The following TSHZ2 variants were observed in gnomAD, a reference collection of about 807,000 sequenced individuals.
TSHZ2 encodes teashirt homolog 2.
Under a neutral mutation model 74.4 loss-of-function variants are expected in TSHZ2, and 21 were observed. The observed-to-expected ratio is 0.28, with a 90% CI of 0.20 to 0.41. TSHZ2 has a LOEUF of 0.41. TSHZ2 is among the 10% of genes least tolerant of loss of function. The pLI is 1.00. For missense variants in TSHZ2, 1,244 were observed against 1,293.5 expected (o/e 0.96, Z 0.59); for synonymous variants, 540 against 515.3 (o/e 1.05, Z -0.65).
At chr20:53,023,132 G>A (rs1983307826) in intron 1 of TSHZ2, among the ~76,000 whole-genome samples, 1 of 152,166 alleles carries the variant, frequency 6.6e-6, no homozygotes, top group African/African-American at 2.4e-5. Flanking sequence ...ATCCCAGGAT[G>A]GAAGTCTTGC....
At chr20:53,001,216 G>GTGTGTGTGTGTGTGTGTGTGTA (rs1555813571) in intron 1 of TSHZ2, among the ~76,000 whole-genome samples, 8 of 142,660 alleles carry the variant, frequency 5.6e-5, no homozygotes, top group Middle Eastern at 3.5e-3. Flanking sequence ...GTGTGTGTGT[G>GTGTGTGTGTGTGTGTGTGTGTA]TGTGTGTGTG....
At chr20:53,033,164 C>T (rs758677442) in intron 1 of TSHZ2, among the ~76,000 whole-genome samples, 1 of 152,266 alleles carries the variant, frequency 6.6e-6, no homozygotes, top group East Asian at 1.9e-4. Context: ...TCCCCAAAAT[C>T]GTTAGCAAAA....
At chr20:53,130,678 C>T (rs947261028) in intron 1 of TSHZ2, among the ~76,000 whole-genome samples, 2 of 152,138 alleles carry the variant, frequency 1.3e-5, no homozygotes, top group Non-Finnish European at 2.9e-5. Context: ...CGACTGATTT[C>T]AGAGGAATGT....
chr20:52,981,591 T>G (rs1981572445), intron 1 of TSHZ2, among the ~76,000 whole-genome samples: 1 of 152,052 alleles, frequency 6.6e-6, no homozygotes. Context: ...GAACAAGGGG[T>G]CCAGGGCTTG....
intron 1 of TSHZ2, among the ~76,000 whole-genome samples, chr20:53,023,938 A>G (rs1055247724): frequency 1.3e-5 from 2 of 152,122 alleles, no homozygotes; most frequent in African/African-American, 4.8e-5. Flanking sequence ...ATTAGTGTTA[A>G]ATGTCTGTCA....
chr20:53,392,402 C>T (rs762430053), intron 2 of TSHZ2, among the ~76,000 whole-genome samples: 1 of 152,174 alleles, frequency 6.6e-6, no homozygotes, highest in Non-Finnish European at 1.5e-5. Context: ...TGAGATTGTG[C>T]CACTGCACTC....
intron 2 of TSHZ2, among the ~76,000 whole-genome samples, chr20:53,426,714 A>T (rs1316273709): frequency 6.6e-6 from 1 of 152,226 alleles, no homozygotes; most frequent in African/African-American, 2.4e-5. Context: ...AAGTTCAATG[A>T]TGGATCAAAA....
intron 2 of TSHZ2, among the ~76,000 whole-genome samples, chr20:53,458,941 T>C (rs1188599629): frequency 6.6e-6 from 1 of 152,228 alleles, no homozygotes; most frequent in Non-Finnish European, 1.5e-5. Context: ...TTTGTTACAA[T>C]TTCTGTTCTT....
intron 2 of TSHZ2, among the ~76,000 whole-genome samples, chr20:53,409,900 G>A (rs1402608364): frequency 7.9e-6 from 1 of 127,198 alleles, no homozygotes; most frequent in Non-Finnish European, 1.6e-5. Flanking sequence ...AGACTGGAGT[G>A]CAGTGGCGCT....
chr20:53,469,626 A>AAGGGAGGG lies in TSHZ2; in HGVS notation c.*9-17514_*9-17507dup, dbSNP rs1202477269. ...CAAGAAAGATAGATAGAGAGGGAGG[A>AAGGGAGGG]AGGGAGGGAGGAAGGAAGGAAGGAA... On this transcript the variant is annotated intron_variant, in intron 2 of 2. Coordinates refer to ENST00000371497, the MANE Select transcript of TSHZ2 (RefSeq NM_173485.6). 7.5e-4 allele frequency among the ~76,000 whole-genome samples: 42 copies of AAGGGAGGG among 55,790 alleles called. 5 individuals are homozygous for AAGGGAGGG. The highest frequency in any genetic ancestry group is 1.8e-3 in the African/African-American group (21 of 11,816). The allele number at this position is 55,790 out of a possible 152,430, so 36.6% of individuals were successfully genotyped here.
At chr20:53,325,317 G>C (rs959524349) in intron 2 of TSHZ2, among the ~76,000 whole-genome samples, 1 of 152,174 alleles carries the variant, frequency 6.6e-6, no homozygotes, top group African/African-American at 2.4e-5. Flanking sequence ...ATTTAACAGG[G>C]ACTTTCCCTG....
At chr20:53,220,515 C>G (rs1434291912) in intron 1 of TSHZ2, among the ~76,000 whole-genome samples, 1 of 152,166 alleles carries the variant, frequency 6.6e-6, no homozygotes, top group Non-Finnish European at 1.5e-5. Context: ...ATGGGCCAAC[C>G]TATTTTTATG....
chr20:53,268,068 C>T (rs1448891560), intron 2 of TSHZ2, among the ~76,000 whole-genome samples: 1 of 152,078 alleles, frequency 6.6e-6, no homozygotes, highest in Non-Finnish European at 1.5e-5. Context: ...TTGGCTTGGC[C>T]ACTTGGGGAT....
intron 1 of TSHZ2, among the ~76,000 whole-genome samples, chr20:53,184,591 T>C (rs1262176064): frequency 1.3e-5 from 2 of 152,254 alleles, no homozygotes; most frequent in East Asian, 3.8e-4. Context: ...GAACATTCTC[T>C]GTGCATATAT....
intron 1 of TSHZ2, among the ~76,000 whole-genome samples, chr20:52,981,910 C>G (rs1377907382): frequency 6.6e-6 from 1 of 152,190 alleles, no homozygotes; most frequent in Non-Finnish European, 1.5e-5. Flanking sequence ...TGTTCTACTA[C>G]CTGGACCTGG....
intron 2 of TSHZ2, among the ~76,000 whole-genome samples, chr20:53,310,608 G>A (rs571927618): frequency 9.9e-5 from 15 of 152,188 alleles, no homozygotes; most frequent in East Asian, 3.9e-4. Context: ...CTCACACATC[G>A]ATGGTAAAAT....
At position 53,254,040 on chromosome 20, in the gene TSHZ2, G is replaced by A. The variant is rs150059208; in HGVS notation, c.582G>A (p.Ser194=). 6.2e-4 allele frequency: 1,008 copies of A among 1,614,112 alleles called. 13 individuals carry two copies. In the East Asian group the frequency reaches 0.019, roughly 30 times the overall value. Residue 194 remains serine (S), a synonymous_variant, in exon 2 of 3, where the codon TCG becomes TCA. Transcript: ENST00000371497. ...TCTCGAAACCCAGCCTGTTCAGCTC[G>A]GTGCAGTTGTACCGACAGAGCAGCA... The part of the protein sequence containing the change: ...RSVSKPSLFS[S]VQLYRQSSKM...
intron 2 of TSHZ2, among the ~76,000 whole-genome samples, chr20:53,413,079 G>A (rs1983110413): frequency 1.3e-5 from 2 of 152,232 alleles, no homozygotes; most frequent in Non-Finnish European, 2.9e-5. Context: ...GAGCGGAAGA[G>A]GGACAGGGAG....
At chr20:53,435,481 G>C (rs537771990) in intron 2 of TSHZ2, among the ~76,000 whole-genome samples, 35 of 152,286 alleles carry the variant, frequency 2.3e-4, no homozygotes, top group African/African-American at 8.2e-4. Flanking sequence ...ATAAGGGAAG[G>C]CATTATAGCA....
Sources: allele counts gnomAD v4.1 joint callset (sites outside exome capture counted in the v4.1 genomes callset), GRCh38; gene constraint gnomAD v4.1.1; transcripts MANE v1.5; gene names NCBI Gene and HGNC (gene_info 2026-07-23, HGNC 2026-07-21).